Variants in SV2C observed in about 807,000 individuals in gnomAD.
SV2C encodes the protein solute carrier family 22 member B3.
Under a neutral mutation model 79.7 loss-of-function variants are expected in SV2C, and 49 were observed. The observed-to-expected ratio is 0.61, with a 90% CI of 0.49 to 0.78. SV2C has a LOEUF of 0.78. Ranked by LOEUF, SV2C falls within the 30% of genes least tolerant of loss-of-function variation. SV2C has a pLI of 0.00. For missense variants in SV2C, 833 were observed against 912.9 expected (o/e 0.91, Z 1.13); for synonymous variants, 334 against 333.2 (o/e 1.00, Z -0.03).
At chr5:75,856,575 G>T in the SV2C span, among the ~76,000 whole-genome samples, 1 of 152,106 alleles carries the variant, frequency 6.6e-6, no homozygotes, top group Non-Finnish European at 1.5e-5. Context: ...ATGCCTGTTT[G>T]CCATTTGTAT....
At chr5:76,215,897 C>T (rs549503819) in intron 4 of SV2C, among the ~76,000 whole-genome samples, 3 of 151,878 alleles carry the variant, frequency 2.0e-5, no homozygotes, top group African/African-American at 4.8e-5. Flanking sequence ...TGGGTGTCGC[C>T]GTTTAGTAAT....
At chr5:75,921,860 A>G in the SV2C span, among the ~76,000 whole-genome samples, 1 of 152,028 alleles carries the variant, frequency 6.6e-6, no homozygotes, top group Non-Finnish European at 1.5e-5. Context: ...AATGGATCCA[A>G]TATCATCAAT....
At chr5:75,907,580 G>A in the SV2C span, among the ~76,000 whole-genome samples, 1 of 152,138 alleles carries the variant, frequency 6.6e-6, no homozygotes, top group Non-Finnish European at 1.5e-5. Context: ...CCTATTTTGG[G>A]TAAATGGGAA....
chr5:76,165,116 C>CTG (rs576831855), intron 2 of SV2C, among the ~76,000 whole-genome samples: 4 of 150,434 alleles, frequency 2.7e-5, no homozygotes, highest in South Asian at 2.1e-4. Flanking sequence ...CAAGTCTTGA[C>CTG]TGTGTGTGTG....
the SV2C span, among the ~76,000 whole-genome samples, chr5:75,973,935 G>C: frequency 2.6e-5 from 4 of 151,938 alleles, no homozygotes; most frequent in Non-Finnish European, 2.9e-5. Flanking sequence ...ATTTTTTAGA[G>C]AGAATTTTTT....
At chr5:76,094,340 A>G (rs1358822958) in intron 1 of SV2C, among the ~76,000 whole-genome samples, 2 of 152,144 alleles carry the variant, frequency 1.3e-5, no homozygotes, top group Admixed American at 6.5e-5. Context: ...CTCCTTTCCC[A>G]GAGACACTGT....
At chr5:75,992,898 G>A in the SV2C span, among the ~76,000 whole-genome samples, 2 of 151,958 alleles carry the variant, frequency 1.3e-5, no homozygotes, top group African/African-American at 2.4e-5. Flanking sequence ...ATGTCCCAGA[G>A]GAAGTGATAC....
rs554702663 is a variant in SV2C, at chr5:76,332,159, C to T, written c.*6612C>T. The T allele has an allele frequency of 1.3e-5, 2 of 152,324 alleles. No homozygotes were observed. Among genetic ancestry groups the T allele is most frequent in the Admixed American group, 6.5e-5 (1 of 15,300 alleles). The allele number at this position is 152,324 out of a possible 1,614,324, so 9.4% of individuals were successfully genotyped here. A position where few individuals can be genotyped will look rare whatever the true frequency, so the allele number is the denominator to read the frequency against. ...GCTGAGATTGTCCACTCTCTGCCTA[C>T]TTTATTGCATTCATGCTCCCCTTAG... is the stretch of plus-strand genomic sequence containing the variant. On this transcript the variant is annotated 3_prime_UTR_variant, in exon 13 of 13. Transcript: ENST00000502798.
chr5:75,970,170 A>T, the SV2C span, among the ~76,000 whole-genome samples: 11 of 152,136 alleles, frequency 7.2e-5, no homozygotes, highest in Non-Finnish European at 1.3e-4. Flanking sequence ...ACACATTCAA[A>T]GCAGTGTGTA....
intron 4 of SV2C, among the ~76,000 whole-genome samples, chr5:76,279,558 A>G (rs1366715537): frequency 2.6e-5 from 4 of 152,356 alleles, no homozygotes; most frequent in Middle Eastern, 3.4e-3. Flanking sequence ...AATGATTTAG[A>G]GAGTTTGATT....
chr5:76,027,262 A>G, the SV2C span, among the ~76,000 whole-genome samples: 6 of 151,882 alleles, frequency 4.0e-5, no homozygotes, highest in South Asian at 4.2e-4. Flanking sequence ...GGGTTTCACC[A>G]TGTTGTCCAG....
At chr5:76,076,292 T>C in the SV2C span, among the ~76,000 whole-genome samples, 12 of 152,370 alleles carry the variant, frequency 7.9e-5, no homozygotes, top group African/African-American at 2.4e-4. Flanking sequence ...CAGAGTTGGA[T>C]AGAAGATTGA....
chr5:75,886,386 T>A, the SV2C span, among the ~76,000 whole-genome samples: 1 of 152,148 alleles, frequency 6.6e-6, no homozygotes, highest in Non-Finnish European at 1.5e-5. Context: ...TGCCTTCCCC[T>A]CTGAGCCACC....
At chr5:75,955,677 A>G in the SV2C span, among the ~76,000 whole-genome samples, 62 of 149,172 alleles carry the variant, frequency 4.2e-4, no homozygotes, top group South Asian at 1.3e-3. Context: ...AGAATCTACA[A>G]TGAACTCAAA....
intron 12 of SV2C, among the ~76,000 whole-genome samples, chr5:76,319,557 C>T (rs1026769975): frequency 6.6e-6 from 1 of 152,208 alleles, no homozygotes; most frequent in Non-Finnish European, 1.5e-5. Flanking sequence ...TGCTTTGCAT[C>T]CACACCAGAT....
the SV2C span, among the ~76,000 whole-genome samples, chr5:75,895,582 C>G: frequency 6.6e-6 from 1 of 152,166 alleles, no homozygotes; most frequent in East Asian, 1.9e-4. Flanking sequence ...GATGGATAAC[C>G]TAGTAGACTT....
chr5:76,036,181 G>A, the SV2C span, among the ~76,000 whole-genome samples: 18 of 151,800 alleles, frequency 1.2e-4, no homozygotes, highest in South Asian at 2.1e-4. Flanking sequence ...ACACTGATGG[G>A]TCTTGACTCT....
intron 4 of SV2C, among the ~76,000 whole-genome samples, chr5:76,265,479 C>T (rs960349891): frequency 3.9e-5 from 6 of 152,136 alleles, no homozygotes; most frequent in African/African-American, 1.2e-4. Flanking sequence ...CACTGGGGTT[C>T]CAGGTGCCAC....
rs565193472 is a variant in SV2C at position 76,341,969 on chromosome 5, G to A, written c.2001-11161G>A. Among the ~76,000 whole-genome samples the A allele has an allele frequency of 9.9e-5, 15 of 152,268 alleles. No homozygotes were observed. In the South Asian group the frequency reaches 3.1e-3, roughly 32 times the overall value. ...CATAGGCATGCATAGCAGGTACCTAGGCCTGTGGTGACCCCGGCAGCAACT... is the reference window on the plus strand; with the variant it reads ...CATAGGCATGCATAGCAGGTACCTAAGCCTGTGGTGACCCCGGCAGCAACT... On this transcript the variant is annotated intron_variant, in intron 12 of 12. Transcript: ENST00000322285.
Sources: allele counts gnomAD v4.1 joint callset (sites outside exome capture counted in the v4.1 genomes callset), GRCh38; gene constraint gnomAD v4.1.1; transcripts MANE v1.5; gene names NCBI Gene and HGNC (gene_info 2026-07-23, HGNC 2026-07-21).